Variants in RASGRP3 observed in about 807,000 individuals in gnomAD.
RASGRP3 encodes ras guanyl-releasing protein 3.
In RASGRP3, 54 loss-of-function variants were observed where a neutral mutation model predicts 82.7. That is an observed-to-expected ratio of 0.65 (90% CI 0.52 to 0.82). The LOEUF (loss-of-function observed/expected upper bound fraction) is 0.82. Among genes scored for constraint, RASGRP3 ranks in the 40% least tolerant of loss-of-function variants. The pLI is 0.00. For missense variants in RASGRP3, 861 were observed against 828.9 expected (o/e 1.04, Z -0.48); for synonymous variants, 309 against 300.5 (o/e 1.03, Z -0.29).
At chr2:33,439,631 A>T (rs1665113475) in intron 1 of RASGRP3, among the ~76,000 whole-genome samples, 2 of 152,312 alleles carry the variant, frequency 1.3e-5, no homozygotes. Context: ...AGAAACTCAC[A>T]CTTAGCTGGG....
chr2:33,536,267 A>G lies in RASGRP3; in HGVS notation c.1161+1867A>G, dbSNP rs183539497. On this transcript the variant is annotated intron_variant, in intron 11 of 17. Transcript: ENST00000403687. ...CAGTGAGCTGAGATCACGCCACTGC[A>G]CTCCAGGCTGGGCAACAGAGCAAGA... 3.3e-3 allele frequency among the ~76,000 whole-genome samples: 499 copies of G among 149,310 alleles called. 4 individuals are homozygous for G. The highest frequency in any genetic ancestry group is 0.012 in the African/African-American group (474 of 40,584).
At chr2:33,488,719 C>G (rs538869278) in intron 1 of RASGRP3, among the ~76,000 whole-genome samples, 1 of 152,302 alleles carries the variant, frequency 6.6e-6, no homozygotes, top group East Asian at 1.9e-4. Flanking sequence ...ACCTAGAAAG[C>G]TTTAAAATGT....
At chr2:33,548,278 G>A (rs1311436836) in intron 13 of RASGRP3, among the ~76,000 whole-genome samples, 3 of 149,054 alleles carry the variant, frequency 2.0e-5, no homozygotes, top group Non-Finnish European at 4.4e-5. Context: ...GGAGAATGGC[G>A]TGAACCTGGG....
intron 7 of RASGRP3, among the ~76,000 whole-genome samples, chr2:33,522,805 A>G (rs1358719967): frequency 6.6e-6 from 1 of 152,210 alleles, no homozygotes; most frequent in Non-Finnish European, 1.5e-5. Context: ...GAATTACATT[A>G]TTGCGTGCAA....
chr2:33,527,404 C>G lies in RASGRP3; in HGVS notation c.1075C>G (p.Leu359Val), dbSNP rs1401542785. Residue 359 changes from leucine (L) to valine (V), a missense_variant, in exon 10 of 18, where the codon CTG becomes GTG. By Grantham distance (32) the Leu-to-Val change is conservative (BLOSUM62 1). Transcript: ENST00000403687. ...HLEPNMDLIN[L>V]LTLSLDLYHT... is the part of the protein sequence containing the mutation. ...AGAACCCAACATGGATTTGATCAAC[C>G]TGCTCACGGTGAGTTCCAAGGAGCC... is the stretch of plus-strand genomic sequence containing the variant. 1 of 1,612,462 alleles carries G rather than the reference C, an allele frequency of 6.2e-7. No individual in the cohort carries two copies. Among genetic ancestry groups the G allele is most frequent in the African/African-American group, 1.3e-5 (1 of 74,898 alleles).
At chr2:33,459,303 T>C (rs1666220854) in intron 2 of RASGRP3, among the ~76,000 whole-genome samples, 2 of 151,926 alleles carry the variant, frequency 1.3e-5, no homozygotes, top group Non-Finnish European at 2.9e-5. Context: ...CCCTGCTAAT[T>C]TTTTGTATTT....
At chr2:33,442,915 A>G (rs1323396155) in intron 1 of RASGRP3, among the ~76,000 whole-genome samples, 1 of 150,730 alleles carries the variant, frequency 6.6e-6, no homozygotes, top group African/African-American at 2.4e-5. Flanking sequence ...ACCAGCAGTT[A>G]CACAATTCTT....
chr2:33,543,733 CT>C, intron 13 of RASGRP3, 106 bp downstream of exon 13: 1 of 767,942 alleles, frequency 1.3e-6, no homozygotes, highest in Non-Finnish European at 2.1e-6. Context: ...AGCTTCAACC[CT>C]GGTGCTTTGA....
chr2:33,465,469 G>C (rs1666644047), intron 2 of RASGRP3, among the ~76,000 whole-genome samples: 2 of 152,186 alleles, frequency 1.3e-5, no homozygotes. Context: ...GCTACAGTGA[G>C]CTATGATGAC....
chr2:33,559,012 G>C lies in RASGRP3; in HGVS notation c.2046G>C (p.Glu682Asp). ...AACTTGACCAGGATGAAGGAGAAGA[G>C]ACCAGACAGGATGGTGAGGTAAGTG... ...EFELDQDEGE[E>D]TRQDGEDG Residue 682 changes from glutamate to aspartate, a missense_variant, in exon 17 of 18, where the codon GAG (glutamate) becomes GAC (aspartate). Physicochemically the swap from Glu to Asp is conservative, Grantham distance 45. Coordinates refer to ENST00000403687, the MANE Select transcript of RASGRP3 (RefSeq NM_001139488.2). 1 of 1,609,196 alleles carries C rather than the reference G, an allele frequency of 6.2e-7. No individual in the cohort carries two copies. Among genetic ancestry groups the C allele is most frequent in the Non-Finnish European group, 8.5e-7 (1 of 1,177,954 alleles).
chr2:33,543,432 C>A (rs776329985), intron 12 of RASGRP3, 80 bp from the exon 13 acceptor site: 34 of 778,050 alleles, frequency 4.4e-5, no homozygotes, highest in Non-Finnish European at 6.7e-5. Flanking sequence ...GGATCATATG[C>A]TAGTTATCGT....
intron 1 of RASGRP3, among the ~76,000 whole-genome samples, chr2:33,487,788 C>G (rs761311677): frequency 1.3e-5 from 2 of 152,246 alleles, no homozygotes; most frequent in Non-Finnish European, 2.9e-5. Context: ...TGGAATAATT[C>G]TGATTGCTGC....
In RASGRP3 at chr2:33,527,368, T is replaced by C. The variant is rs146365956; in HGVS notation, c.1039T>C (p.Ser347Pro). The C allele has an allele frequency of 3.4e-4, 552 of 1,613,942 alleles. 2 individuals carry two copies. In the African/African-American group the frequency reaches 6.9e-3, roughly 20 times the overall value. ...TGAACTAGTCTCCCTGCAGAATGCC[T>C]CTCACCACTTAGAACCCAACATGGA... ...LSELVSLQNA[S>P]HHLEPNMDLI... is the part of the protein sequence containing the mutation. The change falls in exon 10 of 18, where the codon TCT (serine) becomes CCT (proline). Residue 347 changes from serine to proline, a missense_variant. Physicochemically the swap from Ser to Pro is moderately conservative, Grantham distance 74. Coordinates refer to ENST00000403687, the MANE Select transcript of RASGRP3 (RefSeq NM_001139488.2).
chr2:33,447,286 C>A (rs1384854574), intron 1 of RASGRP3, among the ~76,000 whole-genome samples: 1 of 151,982 alleles, frequency 6.6e-6, no homozygotes, highest in Admixed American at 6.6e-5. Flanking sequence ...GGAGGCTGGG[C>A]CAGGGGGACA....
Position 33,562,784 on chromosome 2 carries a change from GGCAAGAC to G in RASGRP3, c.*49_*55del. On this transcript the variant is annotated 3_prime_UTR_variant, in exon 18 of 18. Coordinates refer to ENST00000403687, the MANE Select transcript of RASGRP3 (RefSeq NM_001139488.2). ...GGCAATAATGTTGGCTTTTGGAAGG[GGCAAGAC>G]GAGAAACTCTGAAGAAAGCTCTGAC... 1 of 1,600,704 alleles carries G rather than the reference GGCAAGAC, an allele frequency of 6.2e-7. No individual in the cohort carries two copies. The highest frequency in any genetic ancestry group is 2.2e-5 in the East Asian group (1 of 44,798).
intron 1 of RASGRP3, among the ~76,000 whole-genome samples, chr2:33,511,154 G>C (rs1670887896): frequency 6.6e-6 from 1 of 152,176 alleles, no homozygotes; most frequent in South Asian, 2.1e-4. Flanking sequence ...AGACTTGGGA[G>C]AAAATGTATA....
chr2:33,533,611 A>T (rs992917149), intron 10 of RASGRP3: 2 of 152,170 alleles, frequency 1.3e-5, no homozygotes, highest in African/African-American at 2.4e-5. Flanking sequence ...TCAGAGAGGA[A>T]ATTACTTGCT....
intron 2 of RASGRP3, among the ~76,000 whole-genome samples, chr2:33,463,689 C>G (rs189164850): frequency 1.4e-3 from 210 of 151,538 alleles, no homozygotes; most frequent in African/African-American, 4.9e-3. Flanking sequence ...ACCTCTGCCT[C>G]CCAGGTTCAA....
rs866527402 is a variant in RASGRP3 at position 33,487,414 on chromosome 2, A to C, written c.-261+10707A>C. 2.0e-5 allele frequency among the ~76,000 whole-genome samples: 3 copies of C among 152,352 alleles called. No individual in the cohort carries two copies. The South Asian group carries it at 6.2e-4, about 32-fold the overall frequency. On this transcript the variant is annotated intron_variant, in intron 1 of 17. Transcript: ENST00000403687. Reference sequence around the variant, plus strand: ...TGGAAGAATTTTCAAAATGTTTAAAAGGTAAAGTTGATAGTTCTTGAGATT... The same window carrying C: ...TGGAAGAATTTTCAAAATGTTTAAACGGTAAAGTTGATAGTTCTTGAGATT...
Sources: gnomAD v4.1 joint callset for allele counts (sites outside exome capture counted in the v4.1 genomes callset) on GRCh38, gnomAD v4.1.1 for gene constraint, MANE v1.5 for transcripts, NCBI Gene and HGNC (gene_info 2026-07-23, HGNC 2026-07-21) for gene names.